EPHB1: variants seen among roughly 807,000 people sequenced by gnomAD.
The protein encoded by EPHB1 is ephrin type-B receptor 1.
EPHB1 carries 30 observed loss-of-function variants against 94.4 expected under a neutral mutation model. The observed-to-expected ratio is 0.32, with a 90% CI of 0.24 to 0.43. The LOEUF (loss-of-function observed/expected upper bound fraction) is 0.43. EPHB1 is among the 20% of genes least tolerant of loss of function. The probability of loss-of-function intolerance (pLI) is 1.00; values close to 1 mark genes in which losing one functional copy is unlikely to be tolerated. For synonymous variants in EPHB1, 522 were observed against 489.1 expected (o/e 1.07, Z -0.89); for missense variants, 1,055 against 1,308.3 (o/e 0.81, Z 2.99).
chr3:135,073,469 T>C (rs1211209969), intron 3 of EPHB1, among the ~76,000 whole-genome samples: 4 of 152,230 alleles, frequency 2.6e-5, no homozygotes, highest in Non-Finnish European at 5.9e-5. Context: ...CTTTAACTAA[T>C]TCCTTATGTT....
chr3:135,251,461 C>T (rs1390432549), intron 15 of EPHB1, among the ~76,000 whole-genome samples: 3 of 152,068 alleles, frequency 2.0e-5, no homozygotes, highest in Non-Finnish European at 4.4e-5. Context: ...TGAGAATAAT[C>T]AATGACAAAG....
intron 12 of EPHB1, among the ~76,000 whole-genome samples, chr3:135,213,963 C>T (rs114436917): frequency 0.019 from 2,932 of 152,262 alleles, 43 homozygotes; most frequent in Non-Finnish European, 0.024. Context: ...GTCTTCAAGG[C>T]GCCTCTGATC....
chr3:135,241,220 G>A lies in EPHB1; in HGVS notation c.2419G>A (p.Val807Ile), dbSNP rs774372100. 1.6e-5 allele frequency: 26 copies of A among 1,614,092 alleles called. No homozygotes were observed. Among genetic ancestry groups the A allele is most frequent in the Middle Eastern group, 1.6e-4 (1 of 6,084 alleles). The change falls in exon 13 of 16, where the codon GTT becomes ATT. Residue 807 changes from valine (V) to isoleucine (I), a missense_variant. Physicochemically the swap from Val to Ile is conservative, Grantham distance 29. Coordinates refer to ENST00000398015, the MANE Select transcript of EPHB1 (RefSeq NM_004441.5). ...AYRKFTSASD[V>I]WSYGIVMWEV... is the part of the protein sequence containing the mutation. Reference sequence around the variant, plus strand: ...CCGCAAGTTCACTTCAGCCAGCGACGTTTGGAGCTATGGGATCGTCATGTG... The same window carrying A: ...CCGCAAGTTCACTTCAGCCAGCGACATTTGGAGCTATGGGATCGTCATGTG...
intron 1 of EPHB1, among the ~76,000 whole-genome samples, chr3:134,913,750 A>G (rs1026086712): frequency 3.3e-5 from 5 of 152,210 alleles, no homozygotes; most frequent in Non-Finnish European, 7.3e-5. Flanking sequence ...GAGCAGAGTC[A>G]GTGGCTAGAG....
At chr3:135,179,800 G>C in intron 9 of EPHB1, 60 bp from the exon 10 acceptor site, 4 of 1,600,354 alleles carry the variant, frequency 2.5e-6, no homozygotes, top group Non-Finnish European at 3.4e-6. Context: ...GACATCAGCA[G>C]TGCTGAATGA....
At chr3:134,925,973 G>C in intron 2 of EPHB1, 93 bp downstream of exon 2, 1 of 1,116,892 alleles carries the variant, frequency 9.0e-7, no homozygotes, top group Non-Finnish European at 1.3e-6. Context: ...AGCAGTACCT[G>C]TGGGGAATGG....
intron 3 of EPHB1, among the ~76,000 whole-genome samples, chr3:134,965,623 C>A (rs7627341): frequency 6.6e-6 from 1 of 152,158 alleles, no homozygotes; most frequent in Non-Finnish European, 1.5e-5. Flanking sequence ...AGTGTTTTAT[C>A]TGTGGAGATT....
At chr3:135,173,074 G>A (rs184962491) in intron 9 of EPHB1, among the ~76,000 whole-genome samples, 93 of 143,864 alleles carry the variant, frequency 6.5e-4, no homozygotes, top group Admixed American at 3.3e-3. Flanking sequence ...TCGCTCTGTC[G>A]CCCAGGCTGG....
intron 7 of EPHB1, 129 bp downstream of exon 7, chr3:135,162,309 G>C (rs1441026694): frequency 1.8e-6 from 2 of 1,107,524 alleles, no homozygotes; most frequent in Admixed American, 6.2e-5. Flanking sequence ...CCCTTCAAAC[G>C]GTTTGCCTCC....
At chr3:134,917,710 C>A (rs2107698094) in intron 1 of EPHB1, among the ~76,000 whole-genome samples, 1 of 152,328 alleles carries the variant, frequency 6.6e-6, no homozygotes, top group South Asian at 2.1e-4. Flanking sequence ...AGTCATTCAG[C>A]AGATGGGTTG....
chr3:134,933,898 C>T (rs1265819687), intron 2 of EPHB1, among the ~76,000 whole-genome samples: 1 of 152,076 alleles, frequency 6.6e-6, no homozygotes, highest in Admixed American at 6.6e-5. Flanking sequence ...TGGGTGGTGT[C>T]CTTTCTCTGA....
At chr3:135,113,180 G>A (rs1011445875) in intron 4 of EPHB1, among the ~76,000 whole-genome samples, 1 of 152,238 alleles carries the variant, frequency 6.6e-6, no homozygotes, top group Non-Finnish European at 1.5e-5. Context: ...CCCCATGCTG[G>A]TAGATGGTCT....
At chr3:135,060,329 T>A (rs1398487964) in intron 3 of EPHB1, among the ~76,000 whole-genome samples, 1 of 152,210 alleles carries the variant, frequency 6.6e-6, no homozygotes, top group Non-Finnish European at 1.5e-5. Flanking sequence ...TGTTTAAGAT[T>A]GTCTATGTCG....
intron 4 of EPHB1, among the ~76,000 whole-genome samples, chr3:135,116,213 CAAAACA>C (rs1939701997): frequency 6.6e-6 from 1 of 152,080 alleles, no homozygotes; most frequent in African/African-American, 2.4e-5. Context: ...GACTCTGTCT[CAAAACA>C]AAAACAAAAA....
chr3:135,030,550 AG>A (rs1936398972), intron 3 of EPHB1, among the ~76,000 whole-genome samples: 1 of 152,228 alleles, frequency 6.6e-6, no homozygotes, highest in Non-Finnish European at 1.5e-5. Flanking sequence ...GTCAGGGGTC[AG>A]GGACCCACTT....
intron 1 of EPHB1, among the ~76,000 whole-genome samples, chr3:134,807,494 AGTGTGTGTGTGTGT>A (rs151336394): frequency 6.5e-5 from 9 of 138,722 alleles, no homozygotes; most frequent in Non-Finnish European, 1.2e-4. Flanking sequence ...TTGGGGAAGG[AGTGTGTGTGTGTGT>A]GTGTGTGTGT....
At chr3:134,923,728 T>C (rs1396950256) in intron 1 of EPHB1, among the ~76,000 whole-genome samples, 4 of 152,194 alleles carry the variant, frequency 2.6e-5, no homozygotes, top group African/African-American at 9.7e-5. Context: ...GCTCCTAGGA[T>C]GGGTTTCTCC....
intron 2 of EPHB1, among the ~76,000 whole-genome samples, chr3:134,944,300 A>AT (rs1376193591): frequency 6.6e-6 from 1 of 152,132 alleles, no homozygotes; most frequent in Non-Finnish European, 1.5e-5. Context: ...CTAGTACTTC[A>AT]TTCTTTTTTA....
chr3:135,206,544 A>G (rs1942905514), intron 12 of EPHB1, among the ~76,000 whole-genome samples: 1 of 152,174 alleles, frequency 6.6e-6, no homozygotes, highest in South Asian at 2.1e-4. Context: ...TGATTATAGT[A>G]ATTTTATTAA....
Sources: gnomAD v4.1 joint callset for allele counts (sites outside exome capture counted in the v4.1 genomes callset) on GRCh38, gnomAD v4.1.1 for gene constraint, MANE v1.5 for transcripts, NCBI Gene and HGNC (gene_info 2026-07-23, HGNC 2026-07-21) for gene names.